Variants in PDE4D observed in about 807,000 individuals in gnomAD.
PDE4D encodes the protein 3',5'-cyclic-AMP phosphodiesterase 4D.
PDE4D carries 24 observed loss-of-function variants against 87.4 expected under a neutral mutation model. The observed-to-expected ratio is 0.27, with a 90% CI of 0.20 to 0.39. The LOEUF is 0.39. Among genes scored for constraint, PDE4D ranks in the 10% least tolerant of loss-of-function variants. The pLI, the probability that PDE4D is intolerant of heterozygous loss-of-function variation, is 1.00. For missense variants in PDE4D, 714 were observed against 1,041.0 expected (o/e 0.69, Z 4.32); for synonymous variants, 384 against 383.2 (o/e 1.00, Z -0.02).
At chr5:59,047,251 A>G (rs1760852429) in intron 5 of PDE4D, among the ~76,000 whole-genome samples, 1 of 152,176 alleles carries the variant, frequency 6.6e-6, no homozygotes, top group African/African-American at 2.4e-5. Context: ...TACCTGGAAC[A>G]GTTTTTAGGG....
intron 5 of PDE4D, among the ~76,000 whole-genome samples, chr5:59,049,272 A>G (rs1761178584): frequency 6.6e-6 from 1 of 152,200 alleles, no homozygotes; most frequent in Admixed American, 6.5e-5. Context: ...TGAGTGAATA[A>G]TCAGTAAGTA....
At position 59,396,158 on chromosome 5, in the gene PDE4D, G is replaced by C. The variant is rs1252517695; in HGVS notation, c.456-180190C>G. On this transcript the variant is annotated intron_variant, in intron 1 of 14. Transcript: ENST00000340635. ...ATGGAACCAAGTTGGAAAACACTCT[G>C]CAGGATATTATCCAGGAGAATTTCC... Among the ~76,000 whole-genome samples the C allele has an allele frequency of 2.5e-5, 3 of 119,082 alleles. 1 individual carries two copies. The highest frequency in any genetic ancestry group is 5.3e-5 in the Non-Finnish European group (3 of 56,358). 78.1% of individuals were successfully genotyped at this position (119,082 alleles called of 152,430 possible). A position where few individuals can be genotyped will look rare whatever the true frequency, so the allele number is the denominator to read the frequency against.
chr5:59,737,153 A>T (rs1580775488), intron 1 of PDE4D, among the ~76,000 whole-genome samples: 1 of 152,152 alleles, frequency 6.6e-6, no homozygotes, highest in East Asian at 1.9e-4. Flanking sequence ...TAATTATAGC[A>T]CTATTGTCTA....
chr5:59,756,490 T>C (rs1180624739), intron 1 of PDE4D, among the ~76,000 whole-genome samples: 1 of 118,080 alleles, frequency 8.5e-6, no homozygotes, highest in African/African-American at 2.9e-5. Flanking sequence ...CCAATCTATG[T>C]GCATGTAAAC....
chr5:60,230,851 A>G (rs1461697100), intron 1 of PDE4D, among the ~76,000 whole-genome samples: 2 of 152,102 alleles, frequency 1.3e-5, no homozygotes, highest in African/African-American at 2.4e-5. Context: ...TTTAAACATC[A>G]TCCATCAGAA....
chr5:59,494,142 T>C (rs1806712565), intron 1 of PDE4D, among the ~76,000 whole-genome samples: 1 of 152,188 alleles, frequency 6.6e-6, no homozygotes, highest in East Asian at 1.9e-4. Context: ...CAGAATGTAA[T>C]GCTTTGGGTG....
chr5:60,504,677 C>T (rs1310974308), intron 1 of PDE4D, among the ~76,000 whole-genome samples: 1 of 152,212 alleles, frequency 6.6e-6, no homozygotes, highest in East Asian at 1.9e-4. Context: ...TTTCCACCAT[C>T]TTTTCAACAG....
chr5:59,342,776 A>G (rs1322110510), intron 1 of PDE4D, among the ~76,000 whole-genome samples: 1 of 151,418 alleles, frequency 6.6e-6, no homozygotes, highest in Non-Finnish European at 1.5e-5. Flanking sequence ...TCATTTTCAC[A>G]CCCCTCCTCT....
At chr5:60,003,707 TAAAAAAAAAA>T (rs35100447) in intron 2 of PDE4D, among the ~76,000 whole-genome samples, 2 of 104,300 alleles carry the variant, frequency 1.9e-5, no homozygotes, top group African/African-American at 7.0e-5. Context: ...AGACTCCATC[TAAAAAAAAAA>T]AAAAAAAAAA....
At chr5:59,574,124 A>T (rs1194054871) in intron 1 of PDE4D, among the ~76,000 whole-genome samples, 1 of 3,592 alleles carries the variant, frequency 2.8e-4, no homozygotes, top group East Asian at 4.3e-3. Flanking sequence ...ATATAAATAT[A>T]TATTTATATA....
At chr5:59,710,251 T>C (rs1013941259) in intron 1 of PDE4D, among the ~76,000 whole-genome samples, 2 of 152,138 alleles carry the variant, frequency 1.3e-5, no homozygotes, top group African/African-American at 4.8e-5. Context: ...TGAAAGGCCA[T>C]CTCGTTTAGC....
At chr5:60,445,732 T>G (rs1340576573) in intron 1 of PDE4D, among the ~76,000 whole-genome samples, 2 of 152,170 alleles carry the variant, frequency 1.3e-5, no homozygotes, top group African/African-American at 4.8e-5. Context: ...GGCAACATTA[T>G]GCCCATAGTT....
At chr5:59,733,601 T>A (rs1441108076) in intron 1 of PDE4D, among the ~76,000 whole-genome samples, 1 of 152,126 alleles carries the variant, frequency 6.6e-6, no homozygotes, top group Non-Finnish European at 1.5e-5. Flanking sequence ...AGAGTTGAAA[T>A]GTTACTTTAA....
chr5:59,233,807 C>T (rs1157336726), intron 1 of PDE4D, among the ~76,000 whole-genome samples: 1 of 152,056 alleles, frequency 6.6e-6, no homozygotes, highest in Non-Finnish European at 1.5e-5. Flanking sequence ...AAAAGAGATA[C>T]CTATCCATTC....
chr5:59,338,083 C>T (rs55837553), intron 1 of PDE4D, among the ~76,000 whole-genome samples: 4,240 of 152,292 alleles, frequency 0.028, 90 homozygotes, highest in Middle Eastern at 0.088. Flanking sequence ...TCAAAGATAA[C>T]CTCTCAAATA....
At chr5:60,498,675 C>G (rs1436308654) in intron 1 of PDE4D, among the ~76,000 whole-genome samples, 1 of 152,178 alleles carries the variant, frequency 6.6e-6, no homozygotes, top group Non-Finnish European at 1.5e-5. Context: ...TGGTATCCAG[C>G]TCTTATGGTA....
At chr5:59,606,088 A>C (rs76946760) in intron 1 of PDE4D, among the ~76,000 whole-genome samples, 1 of 151,978 alleles carries the variant, frequency 6.6e-6, no homozygotes, top group Non-Finnish European at 1.5e-5. Flanking sequence ...TATATACATG[A>C]ATATACATGA....
chr5:58,985,654 T>C (rs982978436), intron 11 of PDE4D, among the ~76,000 whole-genome samples: 2 of 152,158 alleles, frequency 1.3e-5, no homozygotes, highest in Non-Finnish European at 1.5e-5. Context: ...GAAATATGGA[T>C]TCAGCTGCAG....
intron 1 of PDE4D, among the ~76,000 whole-genome samples, chr5:60,402,453 G>T (rs184730750): frequency 1.6e-3 from 249 of 152,310 alleles, no homozygotes; most frequent in African/African-American, 5.8e-3. Context: ...TGTGGGAGGT[G>T]TTCAGTAATT....
Sources: gnomAD v4.1 joint callset for allele counts (sites outside exome capture counted in the v4.1 genomes callset) on GRCh38, gnomAD v4.1.1 for gene constraint, MANE v1.5 for transcripts, NCBI Gene and HGNC (gene_info 2026-07-23, HGNC 2026-07-21) for gene names.